Variants in PLCB4 observed in about 807,000 individuals in gnomAD.
The protein encoded by PLCB4 is phospholipase C beta 4.
A neutral mutation model predicts 178.8 loss-of-function variants in PLCB4; 77 were observed. The observed-to-expected ratio is 0.43, with a 90% CI of 0.36 to 0.52. The LOEUF (loss-of-function observed/expected upper bound fraction) is 0.52, where lower values mean the gene tolerates loss of function less well. Among genes scored for constraint, PLCB4 ranks in the 20% least tolerant of loss-of-function variants. PLCB4 has a pLI of 0.00. For synonymous variants in PLCB4, 496 were observed against 490.8 expected (o/e 1.01, Z -0.14); for missense variants, 1,024 against 1,453.4 (o/e 0.70, Z 4.80).
chr20:9,405,036 C>A (rs1309356831), intron 20 of PLCB4, among the ~76,000 whole-genome samples: 1 of 152,160 alleles, frequency 6.6e-6, no homozygotes, highest in Non-Finnish European at 1.5e-5. Context: ...TTTTCCTAAG[C>A]CCCATGACTA....
intron 2 of PLCB4, among the ~76,000 whole-genome samples, chr20:9,160,681 G>C (rs551712181): frequency 6.6e-6 from 1 of 152,166 alleles, no homozygotes; most frequent in East Asian, 1.9e-4. Context: ...TCTAGACCGA[G>C]GTAATGGTGG....
chr20:9,168,258 A>G (rs62194762), intron 2 of PLCB4, among the ~76,000 whole-genome samples: 6,391 of 152,284 alleles, frequency 0.042, 182 homozygotes, highest in South Asian at 0.065. Context: ...GGGGTAAGTT[A>G]TCTTATACAG....
intron 2 of PLCB4, among the ~76,000 whole-genome samples, chr20:9,133,510 A>C (rs1027406526): frequency 6.6e-6 from 1 of 152,120 alleles, no homozygotes; most frequent in Non-Finnish European, 1.5e-5. Context: ...CTGGTGATCC[A>C]TCTACCTTGG....
intron 1 of PLCB4, among the ~76,000 whole-genome samples, chr20:9,085,220 A>T (rs1376221248): frequency 6.6e-6 from 1 of 152,178 alleles, no homozygotes; most frequent in East Asian, 1.9e-4. Context: ...TAGCTACAGC[A>T]TAGAATGGGG....
At chr20:9,331,165 GC>G (rs2031587217) in intron 4 of PLCB4, among the ~76,000 whole-genome samples, 1 of 152,152 alleles carries the variant, frequency 6.6e-6, no homozygotes, top group African/African-American at 2.4e-5. Flanking sequence ...ACTGTGGACT[GC>G]CACCTCTTCT....
At position 9,446,502 on chromosome 20, in the gene PLCB4, T is replaced by C. The variant is rs182096380; in HGVS notation, c.2880+2259T>C. On this transcript the variant is annotated intron_variant, in intron 32 of 39. Coordinates refer to ENST00000378473, the MANE Select transcript of PLCB4 (RefSeq NM_001377142.1). Reference sequence around the variant, plus strand: ...GTCCATTAACTCCCTGGAGCCATCATGCCCGGCCCAAGCTAACTTCTAAGA... The same window carrying C: ...GTCCATTAACTCCCTGGAGCCATCACGCCCGGCCCAAGCTAACTTCTAAGA... Among the ~76,000 whole-genome samples, 23 of 152,348 alleles carry C rather than the reference T, an allele frequency of 1.5e-4. No homozygotes were observed. In the East Asian group the frequency reaches 3.9e-3, roughly 26 times the overall value.
chr20:9,232,239 C>T (rs1001892511), intron 3 of PLCB4, among the ~76,000 whole-genome samples: 3 of 152,048 alleles, frequency 2.0e-5, no homozygotes, highest in Admixed American at 6.6e-5. Flanking sequence ...ATTGTGATGC[C>T]AGTTAGCATA....
chr20:9,110,053 T>C (rs1356305836), intron 2 of PLCB4, among the ~76,000 whole-genome samples: 1 of 152,156 alleles, frequency 6.6e-6, no homozygotes, highest in Non-Finnish European at 1.5e-5. Context: ...TTTAAAATTA[T>C]TATTATTAAG....
intron 7 of PLCB4, among the ~76,000 whole-genome samples, chr20:9,340,598 A>G (rs145615037): frequency 1.0e-3 from 153 of 152,178 alleles, no homozygotes; most frequent in African/African-American, 3.3e-3. Flanking sequence ...AAGTTCTTTT[A>G]TTACTCTTCT....
At position 9,459,687 on chromosome 20, in the gene PLCB4, C is replaced by A; in HGVS notation, c.3125C>A (p.Thr1042Asn). The A allele has an allele frequency of 1.2e-6, 2 of 1,612,918 alleles. No homozygotes were observed. The highest frequency in any genetic ancestry group is 1.7e-6 in the Non-Finnish European group (2 of 1,179,000). The change falls in exon 35 of 40, where the codon ACC becomes AAC. Residue 1042 changes from threonine to asparagine, a missense_variant. Physicochemically the swap from Thr to Asn is moderately conservative, Grantham distance 65. Transcript: ENST00000378473. The part of the protein sequence containing the change: ...HTKEWSEMIN[T>N]HSAEEQEIRD... ...AAGGAATGGTCAGAAATGATCAATA[C>A]CCACAGTGCTGAGGAGCAAGAAATC...
At chr20:9,287,045 C>T (rs6118560) in intron 3 of PLCB4, among the ~76,000 whole-genome samples, 4,775 of 151,968 alleles carry the variant, frequency 0.031, 128 homozygotes, top group African/African-American at 0.063. Context: ...GTTTTTTCCT[C>T]ACCAGGGAGC....
intron 2 of PLCB4, among the ~76,000 whole-genome samples, chr20:9,156,067 AG>A (rs1460446999): frequency 3.9e-4 from 59 of 152,302 alleles, no homozygotes; most frequent in African/African-American, 1.3e-3. Flanking sequence ...TGTATGCATA[AG>A]CTATCAACAC....
chr20:9,370,458 C>T (rs1479749577), intron 9 of PLCB4, among the ~76,000 whole-genome samples: 1 of 152,166 alleles, frequency 6.6e-6, no homozygotes, highest in Admixed American at 6.5e-5. Context: ...CAACTGAAGG[C>T]ATGGATTGAG....
intron 3 of PLCB4, among the ~76,000 whole-genome samples, chr20:9,295,846 A>T (rs1378236769): frequency 6.6e-6 from 1 of 152,170 alleles, no homozygotes; most frequent in East Asian, 1.9e-4. Flanking sequence ...GTTTGAACTC[A>T]GGTAGCGTGA....
intron 35 of PLCB4, among the ~76,000 whole-genome samples, chr20:9,467,347 C>T (rs2043860531): frequency 6.6e-6 from 1 of 152,174 alleles, no homozygotes; most frequent in East Asian, 1.9e-4. Flanking sequence ...TTGATGGGTG[C>T]AGCAAACCAA....
intron 2 of PLCB4, among the ~76,000 whole-genome samples, chr20:9,098,763 G>GTGTATA (rs1283771888): frequency 6.8e-6 from 1 of 146,782 alleles, no homozygotes; most frequent in African/African-American, 2.5e-5. Context: ...GTGTGTGTGT[G>GTGTATA]TATATATATA....
chr20:9,273,159 G>A (rs1270094048), intron 3 of PLCB4, among the ~76,000 whole-genome samples: 1 of 152,098 alleles, frequency 6.6e-6, no homozygotes, highest in Admixed American at 6.6e-5. Flanking sequence ...ACCTGCTTTT[G>A]CAAAGCGTAC....
chr20:9,242,912 AG>A (rs2094081996), intron 3 of PLCB4, among the ~76,000 whole-genome samples: 1 of 152,158 alleles, frequency 6.6e-6, no homozygotes, highest in Non-Finnish European at 1.5e-5. Context: ...CAGCTGAATT[AG>A]GGTTCTGTGT....
intron 12 of PLCB4, among the ~76,000 whole-genome samples, chr20:9,373,814 C>T (rs945295547): frequency 2.0e-5 from 3 of 152,120 alleles, no homozygotes; most frequent in African/African-American, 7.2e-5. Flanking sequence ...TTTATTACAA[C>T]TAAAATGAAC....
Sources: gnomAD v4.1 joint callset for allele counts (sites outside exome capture counted in the v4.1 genomes callset) on GRCh38, gnomAD v4.1.1 for gene constraint, MANE v1.5 for transcripts, NCBI Gene and HGNC (gene_info 2026-07-23, HGNC 2026-07-21) for gene names.